The following ADCY1 variants were observed in gnomAD, a reference collection of about 807,000 sequenced individuals.
The protein encoded by ADCY1 is adenylate cyclase 1.
ADCY1 carries 28 observed loss-of-function variants against 105.4 expected under a neutral mutation model. The observed-to-expected ratio is 0.27, with a 90% CI of 0.20 to 0.36. ADCY1 has a LOEUF of 0.36. Among genes scored for constraint, ADCY1 ranks in the 10% least tolerant of loss-of-function variants. The pLI is 1.00. For missense variants in ADCY1, 977 were observed against 1,434.2 expected (o/e 0.68, Z 5.15); for synonymous variants, 655 against 623.8 (o/e 1.05, Z -0.75).
At chr7:45,613,156 T>C (rs907546132) in intron 3 of ADCY1, among the ~76,000 whole-genome samples, 1 of 152,148 alleles carries the variant, frequency 6.6e-6, no homozygotes, top group Non-Finnish European at 1.5e-5. Context: ...TGATAGACAA[T>C]TTAAAATAAC....
chr7:45,686,026 G>T lies in ADCY1; in HGVS notation c.2138G>T (p.Gly713Val). The T allele has an allele frequency of 6.2e-7, 1 of 1,614,024 alleles. No homozygotes were observed. Among genetic ancestry groups the T allele is most frequent in the Non-Finnish European group, 8.5e-7 (1 of 1,179,992 alleles). Residue 713 changes from glycine (G) to valine (V), a missense_variant, in exon 13 of 20, where the codon GGG becomes GTG. Coordinates refer to ENST00000297323, the MANE Select transcript of ADCY1 (RefSeq NM_021116.4). This position sits in a 1 kb window ranked among gnomAD's most constrained non-coding sequence, Gnocchi z 4.3. Reference protein sequence around the residue: ...PNSSLVVLSSGGQRTALPTLP... With the variant: ...PNSSLVVLSSVGQRTALPTLP... ...AGTTCCCTGGTGGTCCTTTCGTCTG[G>T]GGGCCAGCGCACAGCCCTGCCCACC...
At chr7:45,626,583 A>G (rs1224642695) in intron 4 of ADCY1, among the ~76,000 whole-genome samples, 4 of 152,246 alleles carry the variant, frequency 2.6e-5, no homozygotes, top group Non-Finnish European at 5.9e-5. Context: ...CGAGGAGCAC[A>G]GCAGAGAGAA....
chr7:45,607,328 T>C (rs1200487524), intron 2 of ADCY1, among the ~76,000 whole-genome samples: 5 of 152,178 alleles, frequency 3.3e-5, no homozygotes, highest in African/African-American at 4.8e-5. Context: ...CCTGTGTCCC[T>C]AGTGTGTTGC....
intron 8 of ADCY1, among the ~76,000 whole-genome samples, chr7:45,666,813 C>T (rs1413536990): frequency 2.0e-5 from 3 of 152,108 alleles, no homozygotes; most frequent in East Asian, 1.9e-4. Flanking sequence ...TTTTAATGAT[C>T]GCCATTCTAA....
intron 11 of ADCY1, among the ~76,000 whole-genome samples, chr7:45,681,149 T>G (rs960890201): frequency 1.3e-5 from 2 of 152,204 alleles, no homozygotes; most frequent in Non-Finnish European, 2.9e-5. Flanking sequence ...AATATTCAAA[T>G]TAAGAAAACT....
At chr7:45,658,835 C>T (rs1795012047) in intron 6 of ADCY1, among the ~76,000 whole-genome samples, 1 of 152,202 alleles carries the variant, frequency 6.6e-6, no homozygotes, top group South Asian at 2.1e-4. Flanking sequence ...TTCCAGGGCC[C>T]CTCCGGGGGG....
intron 8 of ADCY1, among the ~76,000 whole-genome samples, chr7:45,665,423 G>A (rs1287934871): frequency 6.6e-6 from 1 of 152,218 alleles, no homozygotes; most frequent in Non-Finnish European, 1.5e-5. Context: ...CGTGGAACAC[G>A]TCTCTATTCC....
intron 12 of ADCY1, 69 bp from the exon 13 acceptor site, chr7:45,685,893 T>C: frequency 1.3e-6 from 2 of 1,535,954 alleles, no homozygotes; most frequent in Non-Finnish European, 1.7e-6. Flanking sequence ...GAGGGACACC[T>C]GAGCATGCTT....
intron 14 of ADCY1, among the ~76,000 whole-genome samples, chr7:45,697,620 C>T (rs2116242988): frequency 6.6e-6 from 1 of 152,252 alleles, no homozygotes; most frequent in Admixed American, 6.5e-5. Context: ...GAATTCCTGA[C>T]CTTAGATGAT....
At chr7:45,580,578 T>C (rs1480468443) in intron 1 of ADCY1, among the ~76,000 whole-genome samples, 9 of 152,114 alleles carry the variant, frequency 5.9e-5, no homozygotes, top group Admixed American at 2.6e-4. Context: ...CAGGTGACCT[T>C]TGAAGGTGTG....
chr7:45,701,699 A>G (rs1784999501), intron 14 of ADCY1, among the ~76,000 whole-genome samples: 1 of 152,178 alleles, frequency 6.6e-6, no homozygotes, highest in Non-Finnish European at 1.5e-5. Flanking sequence ...GAATGCCATT[A>G]TTGATGAGAA....
chr7:45,627,111 T>C (rs1794078786), intron 4 of ADCY1, among the ~76,000 whole-genome samples: 1 of 152,224 alleles, frequency 6.6e-6, no homozygotes, highest in Admixed American at 6.5e-5. Context: ...GGCCAAGTTG[T>C]TGACCTCACA....
intron 11 of ADCY1, chr7:45,684,623 T>C (rs1010218481): frequency 1.8e-5 from 3 of 164,712 alleles, no homozygotes; most frequent in Non-Finnish European, 3.9e-5. Flanking sequence ...AAGACACAAA[T>C]GAATGGAAAT....
intron 3 of ADCY1, among the ~76,000 whole-genome samples, chr7:45,617,961 A>C (rs1426293601): frequency 6.6e-6 from 1 of 152,248 alleles, no homozygotes; most frequent in Non-Finnish European, 1.5e-5. Context: ...GAGGCATTAC[A>C]TTACCTGGCT....
chr7:45,644,860 A>G (rs1250893976), intron 4 of ADCY1, among the ~76,000 whole-genome samples: 1 of 152,228 alleles, frequency 6.6e-6, no homozygotes, highest in Non-Finnish European at 1.5e-5. Flanking sequence ...TAAAGACAAA[A>G]TAAAGCAATA....
chr7:45,701,221 A>G (rs1235676412), intron 14 of ADCY1, among the ~76,000 whole-genome samples: 1 of 152,188 alleles, frequency 6.6e-6, no homozygotes, highest in Admixed American at 6.5e-5. Context: ...GTTAAAATAT[A>G]TAACAATACA....
chr7:45,598,279 T>A (rs1040016938), intron 2 of ADCY1, among the ~76,000 whole-genome samples: 5 of 152,168 alleles, frequency 3.3e-5, no homozygotes, highest in Admixed American at 2.6e-4. Flanking sequence ...CATGGCTGTT[T>A]CCTCCTTTCG....
intron 1 of ADCY1, among the ~76,000 whole-genome samples, chr7:45,588,893 G>A (rs865945843): frequency 6.4e-4 from 95 of 147,810 alleles, no homozygotes; most frequent in Middle Eastern, 3.6e-3. Context: ...GTGTGTGTGT[G>A]TATGTGTGTG....
Position 45,706,911 on chromosome 7 carries a change from C to T in ADCY1, c.2818-1439C>T, listed in dbSNP as rs192397772. On this transcript the variant is annotated intron_variant, in intron 17 of 19. Transcript: ENST00000297323. ...AGTGGGCAAACAATTCGAACAGGCA[C>T]CTCACCAAAAGAGATGCAGATGACA... Among the ~76,000 whole-genome samples the T allele has an allele frequency of 1.2e-3, 184 of 152,244 alleles. 1 individual carries two copies. The highest frequency in any genetic ancestry group is 4.4e-3 in the African/African-American group (182 of 41,540).
Sources: gnomAD v4.1 joint callset for allele counts (sites outside exome capture counted in the v4.1 genomes callset) on GRCh38, gnomAD v4.1.1 for gene constraint, Gnocchi (gnomAD v3.1) non-coding constraint, MANE v1.5 for transcripts, NCBI Gene and HGNC (gene_info 2026-07-23, HGNC 2026-07-21) for gene names.